Variants in NAA11 observed in about 807,000 individuals in gnomAD.
NAA11 encodes N-alpha-acetyltransferase 11, NatA catalytic subunit, also known as N-alpha-acetyltransferase 11.
In NAA11, 15 loss-of-function variants were observed where a neutral mutation model predicts 16.1. The observed-to-expected ratio is 0.93, with a 90% CI of 0.62 to 1.44. The LOEUF is 1.44. NAA11 is among the 40% of genes most tolerant of loss of function. The pLI is 0.00. For missense variants in NAA11, 298 were observed against 291.3 expected, an observed-to-expected ratio of 1.02 and a Z score of -0.17; for synonymous variants, 122 against 112.4, an observed-to-expected ratio of 1.09 and a Z score of -0.54.
the NAA11 span, among the ~76,000 whole-genome samples, chr4:79,177,877 A>G: frequency 6.6e-6 from 1 of 152,162 alleles, no homozygotes; most frequent in African/African-American, 2.4e-5. Flanking sequence ...TAACTATGCT[A>G]ATAACCAGAT....
intron 2 of NAA11, among the ~76,000 whole-genome samples, chr4:79,226,789 T>C (rs1277370162): frequency 6.6e-6 from 1 of 152,092 alleles, no homozygotes; most frequent in Non-Finnish European, 1.5e-5. Context: ...TAGTATTCCA[T>C]GGTGTATATG....
At chr4:79,240,704 GA>G (rs1245734057) in intron 2 of NAA11, among the ~76,000 whole-genome samples, 2 of 152,148 alleles carry the variant, frequency 1.3e-5, no homozygotes, top group Non-Finnish European at 2.9e-5. Flanking sequence ...CATATCAAAA[GA>G]AAAAGAAGTT....
chr4:79,202,623 T>TTATATATATATATATATATATATATATA, the NAA11 span, among the ~76,000 whole-genome samples: 1,281 of 52,320 alleles, frequency 0.024, 164 homozygotes, highest in East Asian at 0.048. Flanking sequence ...ATATATAGTT[T>TTATATATATATATATATATATATATATA]TATATATATA....
chr4:79,319,112 G>A (rs545977640), intron 1 of NAA11, among the ~76,000 whole-genome samples: 3 of 152,244 alleles, frequency 2.0e-5, no homozygotes, highest in South Asian at 4.1e-4. Context: ...AGTTTTTGTA[G>A]AGACTAGGTC....
chr4:79,194,869 A>G, the NAA11 span, among the ~76,000 whole-genome samples: 32 of 152,228 alleles, frequency 2.1e-4, no homozygotes, highest in Admixed American at 2.0e-3. Flanking sequence ...TAAGACATAT[A>G]GTAGTTAAGT....
At chr4:79,314,566 GA>G (rs1310017699), downstream of NAA11, among the ~76,000 whole-genome samples, 1 of 138,894 alleles carries the variant, frequency 7.2e-6, no homozygotes, top group African/African-American at 2.6e-5. Flanking sequence ...CAATAGGCTA[GA>G]AATTCTTATC....
chr4:79,187,479 C>T, the NAA11 span, among the ~76,000 whole-genome samples: 1 of 152,292 alleles, frequency 6.6e-6, no homozygotes, highest in African/African-American at 2.4e-5. Flanking sequence ...CAGTTCTTCC[C>T]ATTGACTGAG....
At chr4:79,264,697 C>CT (rs929484227) in intron 2 of NAA11, among the ~76,000 whole-genome samples, 55 of 152,234 alleles carry the variant, frequency 3.6e-4, no homozygotes, top group Admixed American at 5.9e-4. Flanking sequence ...GGGCAGTGCT[C>CT]TTTTTTTGTT....
At chr4:79,223,186 T>A (rs1351405547), downstream of NAA11, among the ~76,000 whole-genome samples, 57 of 151,224 alleles carry the variant, frequency 3.8e-4, no homozygotes, top group Non-Finnish European at 5.5e-4. Context: ...CTATAAAGAC[T>A]CATGCACACG....
chr4:79,168,998 A>G, the NAA11 span, among the ~76,000 whole-genome samples: 1 of 152,210 alleles, frequency 6.6e-6, no homozygotes. Context: ...GTGAACTCCC[A>G]TTCACAATTG....
chr4:79,215,064 T>A, the NAA11 span, among the ~76,000 whole-genome samples: 1 of 152,196 alleles, frequency 6.6e-6, no homozygotes, highest in Non-Finnish European at 1.5e-5. Flanking sequence ...ATCATGAATT[T>A]CTCATATTGT....
At chr4:79,174,440 T>C in the NAA11 span, among the ~76,000 whole-genome samples, 1 of 152,118 alleles carries the variant, frequency 6.6e-6, no homozygotes, top group African/African-American at 2.4e-5. Flanking sequence ...GGATTTTATG[T>C]TGTGGATCAC....
At chr4:79,255,390 T>G (rs184539217) in intron 2 of NAA11, among the ~76,000 whole-genome samples, 1 of 152,302 alleles carries the variant, frequency 6.6e-6, no homozygotes, top group East Asian at 1.9e-4. Context: ...CCAGTATTTT[T>G]ATTAGTATTT....
the NAA11 span, among the ~76,000 whole-genome samples, chr4:79,210,489 A>T: frequency 3.5e-4 from 53 of 152,122 alleles, no homozygotes; most frequent in South Asian, 5.4e-3. Context: ...GATCACAGGG[A>T]TCATAATGGC....
At chr4:79,168,017 C>G in the NAA11 span, among the ~76,000 whole-genome samples, 2 of 152,036 alleles carry the variant, frequency 1.3e-5, no homozygotes, top group Admixed American at 1.3e-4. Context: ...GTGTCCCTCC[C>G]CTAGCCCCCT....
Position 79,267,001 on chromosome 4 carries a change from A to C in NAA11, c.*122+27004T>G, listed in dbSNP as rs571302664. On this transcript the variant is annotated intron_variant and NMD_transcript_variant, in intron 2 of 2. Coordinates refer to the NAA11 transcript ENST00000511542. ...GAAAGACAAAAAGCATGTTTAGCTA[A>C]ATTATCTTTGTATAGTATATTTCAT... Among the ~76,000 whole-genome samples, 25 of 152,314 alleles carry C rather than the reference A, an allele frequency of 1.6e-4. No homozygotes were observed. The East Asian group carries it at 4.4e-3, about 27-fold the overall frequency.
intron 2 of NAA11, among the ~76,000 whole-genome samples, chr4:79,259,533 A>G (rs1328496570): frequency 6.6e-6 from 1 of 152,202 alleles, no homozygotes; most frequent in African/African-American, 2.4e-5. Flanking sequence ...CTTGGCAGGC[A>G]TGGGATCCAG....
the NAA11 span, among the ~76,000 whole-genome samples, chr4:79,209,830 G>C: frequency 6.6e-6 from 1 of 151,896 alleles, no homozygotes. Flanking sequence ...CAAATTGCTT[G>C]AGGCCAGGAG....
chr4:79,190,462 T>TG, the NAA11 span, among the ~76,000 whole-genome samples: 849 of 151,348 alleles, frequency 5.6e-3, 11 homozygotes, highest in African/African-American at 0.019. Context: ...CTCCCTTTTT[T>TG]TTTTTTAAAA....
Sources: gnomAD v4.1 joint callset for allele counts (sites outside exome capture counted in the v4.1 genomes callset) on GRCh38, gnomAD v4.1.1 for gene constraint, MANE v1.5 for transcripts, NCBI Gene and HGNC (gene_info 2026-07-23, HGNC 2026-07-21) for gene names.